TMEM170B: variants seen among roughly 807,000 people sequenced by gnomAD.
TMEM170B encodes the protein transmembrane protein 170B.
In TMEM170B, 6 loss-of-function variants were observed where a neutral mutation model predicts 13.0. That is an observed-to-expected ratio of 0.46 (90% CI 0.25 to 0.91). The LOEUF (loss-of-function observed/expected upper bound fraction) is 0.91. Ranked by LOEUF, TMEM170B falls within the 40% of genes least tolerant of loss-of-function variation. The pLI is 0.17. For missense variants in TMEM170B, 138 were observed against 165.2 expected (o/e 0.84, Z 0.90); for synonymous variants, 61 against 64.9 (o/e 0.94, Z 0.29).
At chr6:11,547,083 C>A (rs1759450668) in intron 1 of TMEM170B, among the ~76,000 whole-genome samples, 2 of 152,102 alleles carry the variant, frequency 1.3e-5, no homozygotes, top group South Asian at 4.1e-4. Context: ...AGTGAAACTG[C>A]AGATAAACGA....
At chr6:11,543,084 A>G (rs1759384428) in intron 1 of TMEM170B, among the ~76,000 whole-genome samples, 1 of 152,134 alleles carries the variant, frequency 6.6e-6, no homozygotes, top group African/African-American at 2.4e-5. Flanking sequence ...TTCTTGCTTC[A>G]TCTTGCTACT....
chr6:11,557,375 A>C (rs1392160920), intron 1 of TMEM170B, among the ~76,000 whole-genome samples: 2 of 152,240 alleles, frequency 1.3e-5, no homozygotes, highest in Non-Finnish European at 2.9e-5. Flanking sequence ...AATTGGGGAC[A>C]CTACAAACCT....
chr6:11,552,800 C>A (rs1759542169), intron 1 of TMEM170B, among the ~76,000 whole-genome samples: 1 of 152,158 alleles, frequency 6.6e-6, no homozygotes, highest in African/African-American at 2.4e-5. Flanking sequence ...GATGCAAAGG[C>A]AGTCTGTGCA....
At chr6:11,542,566 G>A (rs189494655) in intron 1 of TMEM170B, among the ~76,000 whole-genome samples, 2 of 152,264 alleles carry the variant, frequency 1.3e-5, no homozygotes, top group Admixed American at 1.3e-4. Flanking sequence ...AATTCTAGGC[G>A]TCAGGATAAA....
intron 1 of TMEM170B, among the ~76,000 whole-genome samples, chr6:11,558,830 A>G (rs192732256): frequency 2.4e-4 from 37 of 152,328 alleles, no homozygotes; most frequent in Middle Eastern, 3.4e-3. Context: ...CATTAATTGA[A>G]CACTCAAAGT....
In TMEM170B at chr6:11,566,880, C is replaced by T. The variant is rs186034835; in HGVS notation, c.268+1044C>T. On this transcript the variant is annotated intron_variant, in intron 2 of 2. Transcript: ENST00000379426. ...TCATCTGAGGCTTTCTTCCGTTTTCCGGTGGAATGCCCCCAAAGGTCATAC... is the reference window on the plus strand; with the variant it reads ...TCATCTGAGGCTTTCTTCCGTTTTCTGGTGGAATGCCCCCAAAGGTCATAC... 1.1e-4 allele frequency among the ~76,000 whole-genome samples: 17 copies of T among 152,362 alleles called. No individual in the cohort carries two copies. The East Asian group carries it at 1.2e-3, about 10-fold the overall frequency.
In TMEM170B at chr6:11,565,650, T is replaced by G. The variant is rs764494285; in HGVS notation, c.98-16T>G. 3.1e-6 allele frequency: 5 copies of G among 1,613,570 alleles called. No homozygotes were observed. The highest frequency in any genetic ancestry group is 4.2e-6 in the Non-Finnish European group (5 of 1,179,682). On this transcript the variant is annotated splice_polypyrimidine_tract_variant and intron_variant, in intron 1 of 2. Coordinates refer to ENST00000379426, the MANE Select transcript of TMEM170B (RefSeq NM_001100829.3). Reference sequence around the variant, plus strand: ...TGTGTTTCAACAGATGATTAATACTTTGCTTTTCCTTTCAGAGATGTGGTA... The same window carrying G: ...TGTGTTTCAACAGATGATTAATACTGTGCTTTTCCTTTCAGAGATGTGGTA...
chr6:11,549,850 C>T (rs937317701), intron 1 of TMEM170B, among the ~76,000 whole-genome samples: 20 of 151,788 alleles, frequency 1.3e-4, no homozygotes, highest in African/African-American at 4.8e-4. Flanking sequence ...AATCTAAGAG[C>T]ATATATCTAC....
chr6:11,568,133 G>A (rs1178469836), intron 2 of TMEM170B, among the ~76,000 whole-genome samples: 1 of 152,102 alleles, frequency 6.6e-6, no homozygotes, highest in Non-Finnish European at 1.5e-5. Flanking sequence ...GAAAGAAGAG[G>A]GGATAGGGAG....
chr6:11,545,830 A>G (rs1759431464), intron 1 of TMEM170B, among the ~76,000 whole-genome samples: 1 of 123,854 alleles, frequency 8.1e-6, no homozygotes, highest in South Asian at 2.9e-4. Flanking sequence ...ACATGGTGAA[A>G]CCCTGTGTCT....
chr6:11,565,814 T>C lies in TMEM170B; in HGVS notation c.246T>C (p.Ser82=). 6.2e-7 allele frequency: 1 copy of C among 1,614,184 alleles called. No homozygotes were observed. Among genetic ancestry groups the C allele is most frequent in the Non-Finnish European group, 8.5e-7 (1 of 1,180,006 alleles). The change falls in exon 2 of 3, where the codon TCT becomes TCC. Residue 82 remains serine (S), a synonymous_variant. Transcript: ENST00000379426. ...VIAVSIGFLA[S]VTGAMITSAA... ...CAGTCAGCATTGGATTTCTGGCTTC[T>C]GTAACTGGAGCGATGATTACCAGTA...
In TMEM170B at chr6:11,553,567, A is replaced by G. The variant is rs1363556784; in HGVS notation, c.98-12099A>G. ...TAGTTTTTTTTACTTTAGACAAGTC[A>G]TGTATTTCCCAGGCCTGTTTCCTCA... On this transcript the variant is annotated intron_variant, in intron 1 of 2. Transcript: ENST00000379426. Among the ~76,000 whole-genome samples, 5 of 152,282 alleles carry G rather than the reference A, an allele frequency of 3.3e-5. No homozygotes were observed. The East Asian group carries it at 9.6e-4, about 29-fold the overall frequency.
At chr6:11,546,798 G>A (rs906601751) in intron 1 of TMEM170B, among the ~76,000 whole-genome samples, 1 of 152,196 alleles carries the variant, frequency 6.6e-6, no homozygotes, top group African/African-American at 2.4e-5. Context: ...TAGGTACACT[G>A]TATAATATTT....
chr6:11,541,222 C>T (rs1043725710), intron 1 of TMEM170B, among the ~76,000 whole-genome samples: 9 of 152,182 alleles, frequency 5.9e-5, no homozygotes, highest in African/African-American at 2.2e-4. Flanking sequence ...GGATTGACTT[C>T]TCTCTAGCTG....
chr6:11,554,566 T>C (rs1582141283), intron 1 of TMEM170B, among the ~76,000 whole-genome samples: 1 of 152,114 alleles, frequency 6.6e-6, no homozygotes, highest in Non-Finnish European at 1.5e-5. Flanking sequence ...TAACCTGATT[T>C]CTTTAAAGCA....
intron 2 of TMEM170B, among the ~76,000 whole-genome samples, chr6:11,571,491 T>G (rs182490356): frequency 6.6e-6 from 1 of 152,302 alleles, no homozygotes; most frequent in Admixed American, 6.5e-5. Context: ...TTACTCACCT[T>G]CAGATCATCT....
intron 2 of TMEM170B, 43 bp downstream of exon 2, chr6:11,565,879 A>G (rs778430219): frequency 4.4e-6 from 7 of 1,592,226 alleles, no homozygotes; most frequent in Non-Finnish European, 6.0e-6. Context: ...GTTTGTATAC[A>G]CTTACCATTT....
intron 1 of TMEM170B, among the ~76,000 whole-genome samples, chr6:11,550,077 G>A (rs1369741014): frequency 2.6e-5 from 4 of 151,946 alleles, no homozygotes; most frequent in Non-Finnish European, 5.9e-5. Flanking sequence ...GACTCAAGCA[G>A]TCTGCCCACC....
chr6:11,560,582 TAAAAA>T (rs11404962), intron 1 of TMEM170B, among the ~76,000 whole-genome samples: 1,552 of 135,660 alleles, frequency 0.011, 10 homozygotes, highest in Middle Eastern at 0.023. Context: ...TGCTATCTCT[TAAAAA>T]AAAAAAAAAA....
Sources: allele counts gnomAD v4.1 joint callset (sites outside exome capture counted in the v4.1 genomes callset), GRCh38; gene constraint gnomAD v4.1.1; transcripts MANE v1.5; gene names NCBI Gene and HGNC (gene_info 2026-07-23, HGNC 2026-07-21).